Variants in FYN observed in about 807,000 individuals in gnomAD.
The protein encoded by FYN is FYN proto-oncogene, Src family tyrosine kinase.
Under a neutral mutation model 70.2 loss-of-function variants are expected in FYN, and 10 were observed. The ratio of observed to expected loss-of-function variants is 0.14; its 90% CI spans 0.09 to 0.24. FYN has a LOEUF of 0.24. Among genes scored for constraint, FYN ranks in the 10% least tolerant of loss-of-function variants. The pLI, the probability that FYN is intolerant of heterozygous loss-of-function variation, is 1.00. For synonymous variants in FYN, 236 were observed against 248.6 expected, an observed-to-expected ratio of 0.95 and a Z score of 0.48; for missense variants, 319 against 673.1, an observed-to-expected ratio of 0.47 and a Z score of 5.82.
chr6:111,812,949 T>C (rs1772373676), intron 2 of FYN, among the ~76,000 whole-genome samples: 1 of 152,156 alleles, frequency 6.6e-6, no homozygotes, highest in Non-Finnish European at 1.5e-5. Context: ...TTATACACGA[T>C]TGTTGCCCTC....
At position 111,825,812 on chromosome 6, in the gene FYN, G is replaced by A. The variant is rs543359171; in HGVS notation, c.-82+20777C>T. Among the ~76,000 whole-genome samples the A allele has an allele frequency of 2.6e-5, 4 of 152,000 alleles. No homozygotes were observed. In the South Asian group the frequency reaches 8.3e-4, roughly 32 times the overall value. ...CTGTAACGTGTGAGGAAAGCTGGAG[G>A]GAAAAAGAGGGACTTAAAGAAATAT... On this transcript the variant is annotated intron_variant, in intron 2 of 13. Transcript: ENST00000354650.
At chr6:111,710,884 A>G (rs576492122) in intron 5 of FYN, among the ~76,000 whole-genome samples, 3 of 152,284 alleles carry the variant, frequency 2.0e-5, no homozygotes, top group South Asian at 2.1e-4. Context: ...CGGTTCTTAT[A>G]GTTCAGATTT....
At chr6:111,766,492 A>G (rs556553128) in intron 3 of FYN, among the ~76,000 whole-genome samples, 33 of 152,356 alleles carry the variant, frequency 2.2e-4, no homozygotes, top group African/African-American at 7.9e-4. Context: ...AGCCATATGT[A>G]AACCAGCTCT....
At chr6:111,813,291 A>T (rs1271217356) in intron 2 of FYN, among the ~76,000 whole-genome samples, 1 of 152,228 alleles carries the variant, frequency 6.6e-6, no homozygotes, top group African/African-American at 2.4e-5. Flanking sequence ...GGCCTACCAC[A>T]GCAGCAATTT....
At chr6:111,744,840 T>C (rs1802136787) in intron 3 of FYN, among the ~76,000 whole-genome samples, 1 of 152,182 alleles carries the variant, frequency 6.6e-6, no homozygotes, top group East Asian at 1.9e-4. Flanking sequence ...AAATATGCTT[T>C]TTATATCATT....
At chr6:111,801,355 C>T (rs575290032) in intron 2 of FYN, among the ~76,000 whole-genome samples, 1 of 152,256 alleles carries the variant, frequency 6.6e-6, no homozygotes, top group Non-Finnish European at 1.5e-5. Flanking sequence ...CTCCATACAC[C>T]GTGTACATTT....
intron 2 of FYN, among the ~76,000 whole-genome samples, chr6:111,836,073 A>C (rs148025337): frequency 1.2e-4 from 19 of 152,340 alleles, no homozygotes; most frequent in Non-Finnish European, 2.5e-4. Context: ...CAAGAAACAG[A>C]GAAACTGAAA....
At chr6:111,719,457 G>A (rs1372485906) in intron 4 of FYN, among the ~76,000 whole-genome samples, 1 of 152,164 alleles carries the variant, frequency 6.6e-6, no homozygotes, top group Non-Finnish European at 1.5e-5. Context: ...CATGGCTCAG[G>A]CATCCGTGTT....
At chr6:111,822,873 G>A (rs1234204169) in intron 2 of FYN, among the ~76,000 whole-genome samples, 2 of 152,030 alleles carry the variant, frequency 1.3e-5, no homozygotes, top group Non-Finnish European at 2.9e-5. Context: ...AGAGGCAGAG[G>A]AGCATGAGGA....
chr6:111,780,344 T>C (rs1049729418), intron 3 of FYN, among the ~76,000 whole-genome samples: 27 of 152,254 alleles, frequency 1.8e-4, no homozygotes, highest in Admixed American at 1.7e-3. Context: ...TATACACTTA[T>C]TACGTTTTAG....
chr6:111,693,093 C>T (rs949262182), intron 12 of FYN, among the ~76,000 whole-genome samples: 3 of 152,144 alleles, frequency 2.0e-5, no homozygotes, highest in African/African-American at 4.8e-5. Context: ...TGGACAGTAT[C>T]GGTAGCAGCC....
At chr6:111,669,612 T>C (rs904309758) in intron 13 of FYN, among the ~76,000 whole-genome samples, 6 of 152,038 alleles carry the variant, frequency 3.9e-5, no homozygotes, top group African/African-American at 1.4e-4. Flanking sequence ...CAGAAGAACT[T>C]TGAGGACAGA....
At chr6:111,722,498 A>G (rs1801001898) in intron 3 of FYN, among the ~76,000 whole-genome samples, 1 of 152,210 alleles carries the variant, frequency 6.6e-6, no homozygotes, top group South Asian at 2.1e-4. Flanking sequence ...ACATTTCTGC[A>G]AAGACCAGAC....
In FYN at chr6:111,785,105, G is replaced by T. The variant is rs528832944; in HGVS notation, c.-81-4470C>A. On this transcript the variant is annotated intron_variant, in intron 2 of 13. Coordinates refer to ENST00000354650, the MANE Select transcript of FYN (RefSeq NM_002037.5). ...ATGAAGAAACGTGCTTTCTATCAAG[G>T]AGTGGAAGAACATTGATTGGTTCTC... is the stretch of plus-strand genomic sequence containing the variant. Among the ~76,000 whole-genome samples, 3 of 152,260 alleles carry T rather than the reference G, an allele frequency of 2.0e-5. No homozygotes were observed. The South Asian group carries it at 6.2e-4, about 32-fold the overall frequency.
At position 111,661,020 on chromosome 6, in the gene FYN, A is replaced by G. The variant is rs1390730817; in HGVS notation, c.*719T>C. On this transcript the variant is annotated 3_prime_UTR_variant, in exon 14 of 14. Transcript: ENST00000354650. The surrounding 1 kb of genome is among the most constrained non-coding windows in gnomAD (Gnocchi z 4.0). ...CAAAGTAACAACCACCTACAGGTAC[A>G]GTCATGAACCAGGAAAGTGCAATCC... 1 of 152,184 alleles carries G rather than the reference A, an allele frequency of 6.6e-6. No homozygotes were observed. Among genetic ancestry groups the G allele is most frequent in the African/African-American group, 2.4e-5 (1 of 41,428 alleles). The allele number at this position is 152,184 out of a possible 1,614,324, so 9.4% of individuals were successfully genotyped here.
At chr6:111,829,843 G>C (rs1033191304) in intron 2 of FYN, among the ~76,000 whole-genome samples, 1 of 152,138 alleles carries the variant, frequency 6.6e-6, no homozygotes, top group East Asian at 1.9e-4. Flanking sequence ...GGCCTACCCT[G>C]TGCCTGGCTT....
At chr6:111,686,188 C>G (rs767524578) in intron 12 of FYN, among the ~76,000 whole-genome samples, 1 of 152,046 alleles carries the variant, frequency 6.6e-6, no homozygotes, top group Non-Finnish European at 1.5e-5. Flanking sequence ...ATCTGGGCCC[C>G]GAAGCTCCAC....
intron 1 of FYN, among the ~76,000 whole-genome samples, chr6:111,854,967 T>C (rs1773787099): frequency 6.6e-6 from 1 of 152,228 alleles, no homozygotes; most frequent in African/African-American, 2.4e-5. Flanking sequence ...TTTACTAACA[T>C]AGCACTCTAG....
At chr6:111,729,291 T>G (rs1029488854) in intron 3 of FYN, among the ~76,000 whole-genome samples, 3 of 152,006 alleles carry the variant, frequency 2.0e-5, no homozygotes, top group Non-Finnish European at 2.9e-5. Context: ...CTAGCCAACA[T>G]AGTGAAACCC....
Sources: gnomAD v4.1 joint callset for allele counts (sites outside exome capture counted in the v4.1 genomes callset) on GRCh38, gnomAD v4.1.1 for gene constraint, Gnocchi (gnomAD v3.1) non-coding constraint, MANE v1.5 for transcripts, NCBI Gene and HGNC (gene_info 2026-07-23, HGNC 2026-07-21) for gene names.